PTPRN2: variants seen among roughly 807,000 people sequenced by gnomAD.
The protein encoded by PTPRN2 is receptor-type tyrosine-protein phosphatase N2.
In PTPRN2, 74 loss-of-function variants were observed where a neutral mutation model predicts 118.8. The observed-to-expected ratio is 0.62, with a 90% CI of 0.52 to 0.76. The LOEUF (loss-of-function observed/expected upper bound fraction) is 0.76, where lower values mean the gene tolerates loss of function less well. PTPRN2 is among the 30% of genes least tolerant of loss of function. The pLI is 0.00. For synonymous variants in PTPRN2, 641 were observed against 608.0 expected (o/e 1.05, Z -0.80); for missense variants, 1,481 against 1,394.4 (o/e 1.06, Z -0.99).
chr7:157,580,617 C>T (rs1241643716), intron 17 of PTPRN2, among the ~76,000 whole-genome samples: 53 of 145,802 alleles, frequency 3.6e-4, no homozygotes, highest in Admixed American at 8.8e-4. Flanking sequence ...AGCCCCTGCA[C>T]ACCCCAGCCC....
At chr7:158,382,413 C>T (rs1448178029) in intron 2 of PTPRN2, among the ~76,000 whole-genome samples, 1 of 150,672 alleles carries the variant, frequency 6.6e-6, no homozygotes, top group Non-Finnish European at 1.5e-5. Flanking sequence ...GACTGTTCTC[C>T]TCCCCACTCC....
intron 11 of PTPRN2, among the ~76,000 whole-genome samples, chr7:157,913,217 T>C (rs1798196281): frequency 6.6e-6 from 1 of 152,206 alleles, no homozygotes; most frequent in African/African-American, 2.4e-5. Context: ...ATTTTCTAAC[T>C]TTTTTTCCTA....
intron 11 of PTPRN2, among the ~76,000 whole-genome samples, chr7:157,947,585 C>G (rs972957765): frequency 5.3e-5 from 8 of 152,088 alleles, no homozygotes; most frequent in African/African-American, 1.9e-4. Context: ...AAAGAGGAAC[C>G]CTGTTTTAGC....
At chr7:158,235,395 A>G (rs574981319) in intron 3 of PTPRN2, among the ~76,000 whole-genome samples, 1 of 152,224 alleles carries the variant, frequency 6.6e-6, no homozygotes. Flanking sequence ...TATATACACA[A>G]TGGAATAGTA....
At chr7:158,094,504 T>C (rs181924066) in intron 10 of PTPRN2, among the ~76,000 whole-genome samples, 219 of 152,174 alleles carry the variant, frequency 1.4e-3, no homozygotes, top group African/African-American at 5.0e-3. Flanking sequence ...AGATGGCGTT[T>C]CACTATGTTG....
chr7:157,850,588 A>G (rs1809204214), intron 12 of PTPRN2, among the ~76,000 whole-genome samples: 1 of 152,156 alleles, frequency 6.6e-6, no homozygotes, highest in African/African-American at 2.4e-5. Flanking sequence ...TCCTTTCTCA[A>G]ACCATCCACA....
intron 11 of PTPRN2, among the ~76,000 whole-genome samples, chr7:157,931,637 C>G (rs1224809714): frequency 6.6e-6 from 1 of 151,382 alleles, no homozygotes; most frequent in Non-Finnish European, 1.5e-5. Flanking sequence ...ACAAATGCAT[C>G]AGAAAAATGC....
rs937338198 is a variant in PTPRN2 at position 157,990,241 on chromosome 7, T to C, written c.1723+91057A>G. On this transcript the variant is annotated intron_variant, in intron 11 of 22. Transcript: ENST00000389418. The surrounding 1 kb of genome is among the most constrained non-coding windows in gnomAD (Gnocchi z 4.3). ...AGCGCCACCGGGGAAGACCGGGCAC[T>C]CGTGGAGTTCAACAGATCATAAGCA... Among the ~76,000 whole-genome samples, 1 of 151,908 alleles carries C rather than the reference T, an allele frequency of 6.6e-6. No individual in the cohort carries two copies. The highest frequency in any genetic ancestry group is 1.5e-5 in the Non-Finnish European group (1 of 68,022).
chr7:157,924,349 T>C (rs1223112667), intron 11 of PTPRN2, among the ~76,000 whole-genome samples: 1 of 152,202 alleles, frequency 6.6e-6, no homozygotes, highest in African/African-American at 2.4e-5. Context: ...ACGCCCCCTC[T>C]GACCTGCAGC....
Position 157,784,918 on chromosome 7 carries a change from C to T in PTPRN2, c.1789-101981G>A, listed in dbSNP as rs562064366. On this transcript the variant is annotated intron_variant, in intron 12 of 22. Transcript: ENST00000389418. This position sits in a 1 kb window ranked among gnomAD's most constrained non-coding sequence, Gnocchi z 4.6. ...GTGGGCAGCTGTTTCTCTGAGGAAA[C>T]GCGCCCCTCCCCAGTGGCCAGGTGA... Among the ~76,000 whole-genome samples, 16 of 152,252 alleles carry T rather than the reference C, an allele frequency of 1.1e-4. No individual in the cohort carries two copies. The highest frequency in any genetic ancestry group is 3.9e-4 in the East Asian group (2 of 5,176).
chr7:157,663,190 C>T (rs28719788), intron 13 of PTPRN2, among the ~76,000 whole-genome samples: 56,840 of 151,910 alleles, frequency 0.37, 11,793 homozygotes, highest in Non-Finnish European at 0.49. Context: ...CCTGCAGGTA[C>T]GGCAGGGGTG....
intron 22 of PTPRN2, among the ~76,000 whole-genome samples, chr7:157,544,863 G>T (rs1798201012): frequency 6.6e-6 from 1 of 151,928 alleles, no homozygotes; most frequent in Non-Finnish European, 1.5e-5. Context: ...ATGCAGCTGT[G>T]TGTGGATGTG....
At chr7:158,070,969 C>CGGTGGAGGTGCCCGTGGT (rs746287107) in intron 11 of PTPRN2, among the ~76,000 whole-genome samples, 8 of 16,638 alleles carry the variant, frequency 4.8e-4, no homozygotes, top group Admixed American at 6.3e-4. Flanking sequence ...GAGGTGCTCA[C>CGGTGGAGGTGCCCGTGGT]GGTGGAGGTG....
intron 15 of PTPRN2, among the ~76,000 whole-genome samples, chr7:157,612,903 G>C (rs898665628): frequency 6.6e-6 from 1 of 152,154 alleles, no homozygotes; most frequent in Non-Finnish European, 1.5e-5. Flanking sequence ...CCAGGGCAGG[G>C]CCCCCCACAC....
At chr7:157,807,995 G>C (rs1281594699) in intron 12 of PTPRN2, among the ~76,000 whole-genome samples, 1 of 152,238 alleles carries the variant, frequency 6.6e-6, no homozygotes, top group African/African-American at 2.4e-5. Flanking sequence ...TCATTGGCTA[G>C]TGAGCAGCAG....
chr7:157,631,635 A>C (rs552157047), intron 14 of PTPRN2, among the ~76,000 whole-genome samples: 17 of 152,218 alleles, frequency 1.1e-4, no homozygotes, highest in Middle Eastern at 3.4e-3. Context: ...GATCGAGTCC[A>C]TCCTGGCTAA....
chr7:157,600,237 CTA>C, intron 16 of PTPRN2, among the ~76,000 whole-genome samples: 1 of 148,540 alleles, frequency 6.7e-6, no homozygotes, highest in East Asian at 2.0e-4. Context: ...CTCCACCTGC[CTA>C]CCTCTCCACC....
chr7:158,481,057 T>G (rs916942616), intron 2 of PTPRN2, among the ~76,000 whole-genome samples: 9 of 152,240 alleles, frequency 5.9e-5, no homozygotes, highest in African/African-American at 1.9e-4. Flanking sequence ...CATCTAGGAC[T>G]TCCATAGCTA....
chr7:157,942,615 C>A (rs1800216588), intron 11 of PTPRN2, among the ~76,000 whole-genome samples: 1 of 152,048 alleles, frequency 6.6e-6, no homozygotes, highest in South Asian at 2.1e-4. Flanking sequence ...CAGCTCCAGA[C>A]CCCAACTTCT....
Sources: allele counts gnomAD v4.1 joint callset (sites outside exome capture counted in the v4.1 genomes callset), GRCh38; gene constraint gnomAD v4.1.1; non-coding constraint Gnocchi (gnomAD v3.1); transcripts MANE v1.5; gene names NCBI Gene and HGNC (gene_info 2026-07-23, HGNC 2026-07-21).